ADAMTSL2: variants seen among roughly 807,000 people sequenced by gnomAD.
The protein encoded by ADAMTSL2 is ADAMTS like 2.
In ADAMTSL2, 55 loss-of-function variants were observed where a neutral mutation model predicts 117.0. The ratio of observed to expected loss-of-function variants is 0.47; its 90% confidence interval spans 0.38 to 0.59. The LOEUF (loss-of-function observed/expected upper bound fraction) is 0.59. Among genes scored for constraint, ADAMTSL2 ranks in the 20% least tolerant of loss-of-function variants. The probability of loss-of-function intolerance (pLI) is 0.00; values close to 1 mark genes in which losing one functional copy is unlikely to be tolerated. For missense variants in ADAMTSL2, 1,182 were observed against 1,354.5 expected (o/e 0.87, Z 2.00); for synonymous variants, 572 against 566.4 (o/e 1.01, Z -0.14).
At chr9:133,550,639 G>A (rs114800765) in intron 9 of ADAMTSL2, among the ~76,000 whole-genome samples, 6,900 of 152,182 alleles carry the variant, frequency 0.045, 228 homozygotes, top group African/African-American at 0.083. Context: ...CAGTAGCTGA[G>A]TGGCCTTTAG....
At chr9:133,539,661 C>CCCGGCTGTCCCGGCTGTA in intron 4 of ADAMTSL2, 110 bp from the exon 5 acceptor site, 1 of 1,076,944 alleles carries the variant, frequency 9.3e-7, no homozygotes, top group Non-Finnish European at 1.4e-6. Context: ...GCACGGCTGT[C>CCCGGCTGTCCCGGCTGTA]CCGGCTGTCC....
chr9:133,544,421 G>T (rs556469820), intron 7 of ADAMTSL2, 49 bp from the exon 8 acceptor site: 1 of 1,509,074 alleles, frequency 6.6e-7, no homozygotes, highest in East Asian at 2.2e-5. Flanking sequence ...TGCCACCCAA[G>T]GCTGCCTTTC....
chr9:133,544,441 G>C (rs138789954), intron 7 of ADAMTSL2, 29 bp from the exon 8 acceptor site: 4 of 1,585,218 alleles, frequency 2.5e-6, no homozygotes, highest in Non-Finnish European at 3.5e-6. Context: ...CCAATCAAGA[G>C]GGGCTCACTG....
chr9:133,574,507 G>A (rs1174304024), intron 18 of ADAMTSL2, among the ~76,000 whole-genome samples: 1 of 152,138 alleles, frequency 6.6e-6, no homozygotes, highest in Non-Finnish European at 1.5e-5. Flanking sequence ...GACATCTGTA[G>A]CTCCTTTAGG....
rs1285719553 is a variant in ADAMTSL2, at chr9:133,554,572, G to C, written c.1155G>C (p.Leu385=). 4 of 1,546,872 alleles carry C rather than the reference G, an allele frequency of 2.6e-6. No individual in the cohort carries two copies. Among genetic ancestry groups the C allele is most frequent in the Non-Finnish European group, 3.5e-6 (4 of 1,146,162 alleles). ...AGCGGCTGGGCCTGGACAACCGGCT[G>C]TTCGGCCACCCGGGCCTGGACATGG... ...SSERLGLDNR[L]FGHPGLDMEL... The change falls in exon 10 of 19, where the codon CTG becomes CTC. Residue 385 remains leucine, a synonymous_variant. Transcript: ENST00000651351. This position sits in a 1 kb window ranked among gnomAD's most constrained non-coding sequence, Gnocchi z 5.2.
chr9:133,556,040 G>A, intron 11 of ADAMTSL2, 110 bp downstream of exon 11: 2 of 1,389,298 alleles, frequency 1.4e-6, no homozygotes, highest in Non-Finnish European at 1.9e-6. Context: ...AAGGGCTGAG[G>A]TCCTAGAGGT....
upstream of ADAMTSL2, among the ~76,000 whole-genome samples, chr9:133,533,349 G>A (rs1411277538): frequency 6.6e-6 from 1 of 152,190 alleles, no homozygotes; most frequent in Non-Finnish European, 1.5e-5. Context: ...TGCCCCAGCA[G>A]GAGAATGAGA....
chr9:133,555,794 G>C lies in ADAMTSL2; in HGVS notation c.1513G>C (p.Ala505Pro), dbSNP rs1830593015. The change falls in exon 11 of 19, where the codon GCT (alanine) becomes CCT (proline). Residue 505 changes from alanine to proline, a missense_variant. This residue lies in a region of ADAMTSL2 where 345 missense variants were observed against 325.8 expected (regional missense o/e 1.06). Transcript: ENST00000651351. ...CGTGGATTATGAGGAGAACGAGGGG[G>C]CTGGCCCTTACCTGCTCAACGGGTC... Reference protein sequence around the residue: ...FFVDYEENEGAGPYLLNGSYL... With the variant: ...FFVDYEENEGPGPYLLNGSYL... 1.2e-6 allele frequency: 2 copies of C among 1,613,998 alleles called. No individual in the cohort carries two copies. The highest frequency in any genetic ancestry group is 1.7e-6 in the Non-Finnish European group (2 of 1,180,042).
At chr9:133,560,329 G>A (rs1487665885) in intron 11 of ADAMTSL2, among the ~76,000 whole-genome samples, 3 of 152,198 alleles carry the variant, frequency 2.0e-5, no homozygotes, top group African/African-American at 4.8e-5. Context: ...GCTGTCCACC[G>A]CGCCGGCTTG....
Position 133,538,422 on chromosome 9 carries a change from C to A in ADAMTSL2, c.307C>A (p.Gln103Lys). Residue 103 changes from glutamine to lysine, a missense_variant and splice_region_variant, in exon 4 of 19, where the codon CAG (glutamine) becomes AAG (lysine). Transcript: ENST00000651351. Reference sequence around the variant, plus strand: ...CAAGCGGTACCAGCTCTGCAGAGTGCAGGTGAGGCCCGGCCCGGGCAGGGG... The same window carrying A: ...CAAGCGGTACCAGCTCTGCAGAGTGAAGGTGAGGCCCGGCCCGGGCAGGGG... ...TSKRYQLCRV[Q>K]ECPPDGRSFR... 1.9e-6 allele frequency: 3 copies of A among 1,613,048 alleles called. No homozygotes were observed. The highest frequency in any genetic ancestry group is 2.5e-6 in the Non-Finnish European group (3 of 1,179,932).
Position 133,554,808 on chromosome 9 carries a change from T to C in ADAMTSL2, c.1276+115T>C, listed in dbSNP as rs1410847944. ...ACCTGCAGAGGAGGTTCCTAAGAGCTGCCAGCTACCTGCAGATGTCCTCTG... is the reference window on the plus strand; with the variant it reads ...ACCTGCAGAGGAGGTTCCTAAGAGCCGCCAGCTACCTGCAGATGTCCTCTG... On this transcript the variant is annotated intron_variant, in intron 10 of 18. Transcript: ENST00000651351. This position sits in a 1 kb window ranked among gnomAD's most constrained non-coding sequence, Gnocchi z 5.2. The C allele has an allele frequency of 5.2e-6, 5 of 956,536 alleles. No individual in the cohort carries two copies. Among genetic ancestry groups the C allele is most frequent in the Non-Finnish European group, 7.6e-6 (5 of 661,750 alleles). 59.3% of individuals were successfully genotyped at this position (956,536 alleles called of 1,614,324 possible).
At chr9:133,538,487 G>C (rs1830109698) in intron 4 of ADAMTSL2, 63 bp downstream of exon 4, 3 of 1,588,106 alleles carry the variant, frequency 1.9e-6, no homozygotes, top group Non-Finnish European at 2.6e-6. Flanking sequence ...CAGTTTTCAG[G>C]GGGTCTTCCA....
intron 9 of ADAMTSL2, among the ~76,000 whole-genome samples, chr9:133,550,556 A>G (rs1470084771): frequency 6.6e-6 from 1 of 152,096 alleles, no homozygotes; most frequent in African/African-American, 2.4e-5. Flanking sequence ...AGGAAAGGCA[A>G]CTTTTATTTA....
intron 12 of ADAMTSL2, 21 bp from the exon 13 acceptor site, chr9:133,566,915 C>T: frequency 1.9e-6 from 3 of 1,598,968 alleles, no homozygotes; most frequent in Non-Finnish European, 2.6e-6. Flanking sequence ...GCTCACAGAC[C>T]CACCCCTGTC....
intron 12 of ADAMTSL2, 175 bp from the exon 13 acceptor site, chr9:133,566,761 G>A (rs937765290): frequency 6.3e-5 from 53 of 844,448 alleles, no homozygotes; most frequent in Non-Finnish European, 9.0e-5. Flanking sequence ...GCTCAGACCC[G>A]CACAGCTCAG....
At chr9:133,533,626 C>G (rs1432121096), upstream of ADAMTSL2, among the ~76,000 whole-genome samples, 1 of 152,194 alleles carries the variant, frequency 6.6e-6, no homozygotes, top group Non-Finnish European at 1.5e-5. Flanking sequence ...TCCTTCCCAG[C>G]CTTTCTGGTG....
In ADAMTSL2 at chr9:133,558,907, C is replaced by T. The variant is rs1325724832; in HGVS notation, c.1650-2291C>T. ...AGAGTTGCATCTGCTATGCCCCACA[C>T]GTGCTGCTGCGAAGAGTGTGTGGGC... On this transcript the variant is annotated intron_variant, in intron 11 of 18. Coordinates refer to ENST00000651351, the MANE Select transcript of ADAMTSL2 (RefSeq NM_014694.4). This position sits in a 1 kb window ranked among gnomAD's most constrained non-coding sequence, Gnocchi z 4.3. Among the ~76,000 whole-genome samples, 2 of 152,360 alleles carry T rather than the reference C, an allele frequency of 1.3e-5. No individual in the cohort carries two copies. Among genetic ancestry groups the T allele is most frequent in the Non-Finnish European group, 2.9e-5 (2 of 68,038 alleles).
At chr9:133,574,633 C>T in intron 18 of ADAMTSL2, 113 bp from the exon 19 acceptor site, 1 of 861,282 alleles carries the variant, frequency 1.2e-6, no homozygotes, top group Non-Finnish European at 2.0e-6. Flanking sequence ...GGAGACCCAC[C>T]ACGGGGTGGG....
intron 16 of ADAMTSL2, 69 bp from the exon 17 acceptor site, chr9:133,570,262 G>GC: frequency 6.6e-7 from 1 of 1,510,756 alleles, no homozygotes; most frequent in Non-Finnish European, 8.9e-7. Context: ...CACCAGAGTC[G>GC]CCGTGGGCCC....
Sources: gnomAD v4.1 joint callset for allele counts (sites outside exome capture counted in the v4.1 genomes callset) on GRCh38, gnomAD v4.1.1 for gene constraint, gnomAD v4.1.1 regional missense constraint, Gnocchi (gnomAD v3.1) non-coding constraint, MANE v1.5 for transcripts, NCBI Gene and HGNC (gene_info 2026-07-23, HGNC 2026-07-21) for gene names.